The following CPPED1 variants were observed in gnomAD, a reference collection of about 807,000 sequenced individuals.
CPPED1 encodes the protein calcineurin like phosphoesterase domain containing 1.
CPPED1 carries 28 observed loss-of-function variants against 28.0 expected under a neutral mutation model. The observed-to-expected ratio is 1.00, with a 90% CI of 0.74 to 1.37. CPPED1 has a LOEUF of 1.37. Among genes scored for constraint, CPPED1 ranks in the 40% most tolerant of loss-of-function variants. The probability of loss-of-function intolerance (pLI) is 0.00; values close to 1 mark genes in which losing one functional copy is unlikely to be tolerated. For missense variants in CPPED1, 504 were observed against 416.5 expected (o/e 1.21, Z -1.83); for synonymous variants, 198 against 180.2 (o/e 1.10, Z -0.79).
intron 1 of CPPED1, 140 bp from the exon 2 acceptor site, chr16:12,781,543 C>A (rs2080531931): frequency 4.0e-6 from 3 of 744,878 alleles, no homozygotes; most frequent in South Asian, 3.7e-5. Flanking sequence ...TCAAACATAC[C>A]ATTTTCCTGT....
At chr16:12,697,059 C>G (rs934521036) in intron 3 of CPPED1, among the ~76,000 whole-genome samples, 1 of 152,078 alleles carries the variant, frequency 6.6e-6, no homozygotes, top group East Asian at 1.9e-4. Context: ...GAATCTTGCT[C>G]TGTTGCCCAG....
chr16:12,740,929 C>G (rs945548590), intron 2 of CPPED1, among the ~76,000 whole-genome samples: 1 of 152,178 alleles, frequency 6.6e-6, no homozygotes, highest in African/African-American at 2.4e-5. Flanking sequence ...GGCAAACACT[C>G]TCCTAAGTGA....
At chr16:12,777,903 C>CTTTTT (rs67527035) in intron 2 of CPPED1, among the ~76,000 whole-genome samples, 19 of 126,582 alleles carry the variant, frequency 1.5e-4, no homozygotes, top group South Asian at 2.5e-4. Context: ...TTTCTATTTT[C>CTTTTT]TTTTTTTTTT....
Position 12,702,798 on chromosome 16 carries a change from A to G in CPPED1, c.715+1826T>C, listed in dbSNP as rs561865314. Among the ~76,000 whole-genome samples, 3 of 152,020 alleles carry G rather than the reference A, an allele frequency of 2.0e-5. No individual in the cohort carries two copies. In the South Asian group the frequency reaches 6.3e-4, roughly 32 times the overall value. On this transcript the variant is annotated intron_variant, in intron 3 of 3. Coordinates refer to ENST00000381774, the MANE Select transcript of CPPED1 (RefSeq NM_018340.3). ...GGATCACCTGACGTCAGAAGTTTCG[A>G]GACCAGCCTGGCCAACATGGTGAAA...
chr16:12,726,068 G>A lies in CPPED1; in HGVS notation c.290-21019C>T, dbSNP rs142881530. On this transcript the variant is annotated intron_variant, in intron 2 of 3. Coordinates refer to ENST00000381774, the MANE Select transcript of CPPED1 (RefSeq NM_018340.3). ...AATCATTTTTTTTTTATGAGATGAA[G>A]TCTCACTCTGTCGCCCAAGCTGGAG... Among the ~76,000 whole-genome samples the A allele has an allele frequency of 2.0e-3, 309 of 151,914 alleles. 4 individuals are homozygous for A. The highest frequency in any genetic ancestry group is 4.4e-3 in the Admixed American group (67 of 15,246).
intron 2 of CPPED1, among the ~76,000 whole-genome samples, chr16:12,714,192 G>A (rs1178940955): frequency 1.3e-5 from 2 of 152,098 alleles, no homozygotes; most frequent in East Asian, 3.8e-4. Context: ...ACTGATGGAC[G>A]TTTGGGTTGT....
intron 1 of CPPED1, among the ~76,000 whole-genome samples, chr16:12,784,737 G>A (rs2080552836): frequency 1.3e-5 from 2 of 152,184 alleles, no homozygotes. Context: ...GGTGAACACA[G>A]GCACCCCAAA....
intron 3 of CPPED1, among the ~76,000 whole-genome samples, chr16:12,689,656 G>T (rs1203483604): frequency 6.6e-6 from 1 of 152,064 alleles, no homozygotes; most frequent in Non-Finnish European, 1.5e-5. Context: ...CACTAAAGAT[G>T]CAGGATTTCA....
chr16:12,780,899 GA>G (rs1181780128), intron 2 of CPPED1: 3 of 406,912 alleles, frequency 7.4e-6, no homozygotes, highest in Non-Finnish European at 8.9e-6. Flanking sequence ...TTTGTCCCTG[GA>G]AATGCAGAAA....
At chr16:12,686,234 T>C (rs1169549133) in intron 3 of CPPED1, among the ~76,000 whole-genome samples, 2 of 117,836 alleles carry the variant, frequency 1.7e-5, no homozygotes, top group African/African-American at 6.5e-5. Context: ...ATTGTATATA[T>C]ATATATATTT....
intron 1 of CPPED1, among the ~76,000 whole-genome samples, chr16:12,802,265 C>A (rs750147906): frequency 1.3e-4 from 20 of 152,248 alleles, no homozygotes; most frequent in South Asian, 2.1e-4. Context: ...AAGAAAAGAG[C>A]AAAATCTTCA....
In CPPED1 at chr16:12,698,128, A is replaced by AG. The variant is rs1235906323; in HGVS notation, c.715+6495dup. 2.0e-5 allele frequency among the ~76,000 whole-genome samples: 3 copies of AG among 152,268 alleles called. No individual in the cohort carries two copies. In the East Asian group the frequency reaches 5.8e-4, roughly 29 times the overall value. ...CTGACCCCAACCCCCACCAAAAAAA[A>AG]GTCAGTTCATGAAAACCAACTCACA... On this transcript the variant is annotated intron_variant, in intron 3 of 3. Coordinates refer to ENST00000381774, the MANE Select transcript of CPPED1 (RefSeq NM_018340.3).
At position 12,703,884 on chromosome 16, in the gene CPPED1, T is replaced by A. The variant is rs144656454; in HGVS notation, c.715+740A>T. Among the ~76,000 whole-genome samples, 1,144 of 152,114 alleles carry A rather than the reference T, an allele frequency of 7.5e-3. 16 individuals carry two copies. Among genetic ancestry groups the A allele is most frequent in the African/African-American group, 0.026 (1,083 of 41,482 alleles). On this transcript the variant is annotated intron_variant, in intron 3 of 3. Transcript: ENST00000381774. Reference sequence around the variant, plus strand: ...AGGTGGGTGGGCTAGTGCCTTAGAGTGCCATCAGAAATTGAGGTGTGACCT... The same window carrying A: ...AGGTGGGTGGGCTAGTGCCTTAGAGAGCCATCAGAAATTGAGGTGTGACCT...
chr16:12,673,168 G>A (rs2079861189), intron 3 of CPPED1, among the ~76,000 whole-genome samples: 1 of 152,148 alleles, frequency 6.6e-6, no homozygotes, highest in Admixed American at 6.5e-5. Context: ...TTGGGCGCCT[G>A]ATGGGTCCTT....
chr16:12,794,193 T>TG (rs2080612999), intron 1 of CPPED1, among the ~76,000 whole-genome samples: 1 of 144,572 alleles, frequency 6.9e-6, no homozygotes, highest in South Asian at 2.1e-4. Flanking sequence ...GTTTAGGGGT[T>TG]GGGGGTCTTT....
intron 1 of CPPED1, among the ~76,000 whole-genome samples, chr16:12,800,836 T>C (rs775251200): frequency 6.6e-6 from 1 of 152,044 alleles, no homozygotes; most frequent in Non-Finnish European, 1.5e-5. Flanking sequence ...TGGTCTTCCC[T>C]CCCTTCGTGG....
At chr16:12,731,572 C>T (rs1270449178) in intron 2 of CPPED1, among the ~76,000 whole-genome samples, 1 of 151,804 alleles carries the variant, frequency 6.6e-6, no homozygotes. Flanking sequence ...CAGGAGTGGT[C>T]TCTGGGGAAT....
intron 3 of CPPED1, among the ~76,000 whole-genome samples, chr16:12,692,658 C>T (rs961390890): frequency 1.3e-5 from 2 of 152,150 alleles, no homozygotes; most frequent in African/African-American, 2.4e-5. Context: ...TTTGCCACAC[C>T]ATGGGAGCAG....
At chr16:12,690,992 C>T (rs994546836) in intron 3 of CPPED1, among the ~76,000 whole-genome samples, 3 of 152,214 alleles carry the variant, frequency 2.0e-5, no homozygotes, top group Non-Finnish European at 2.9e-5. Context: ...GGTATCCCGG[C>T]TCCTCTCTAC....
Sources: gnomAD v4.1 joint callset for allele counts (sites outside exome capture counted in the v4.1 genomes callset) on GRCh38, gnomAD v4.1.1 for gene constraint, MANE v1.5 for transcripts, NCBI Gene and HGNC (gene_info 2026-07-23, HGNC 2026-07-21) for gene names.